MICU1: variants seen among roughly 807,000 people sequenced by gnomAD.
MICU1 encodes mitochondrial calcium uptake 1, also known as calcium uptake protein 1, mitochondrial.
A neutral mutation model predicts 56.8 loss-of-function variants in MICU1; 45 were observed. The ratio of observed to expected loss-of-function variants is 0.79; its 90% CI spans 0.62 to 1.02. MICU1 has a LOEUF of 1.02. MICU1 is among the 50% of genes least tolerant of loss of function. MICU1 has a pLI of 0.00. For synonymous variants in MICU1, 186 were observed against 195.1 expected (o/e 0.95, Z 0.39); for missense variants, 504 against 587.1 (o/e 0.86, Z 1.46).
intron 5 of MICU1, among the ~76,000 whole-genome samples, chr10:72,527,818 T>C (rs1185883189): frequency 6.6e-6 from 1 of 152,196 alleles, no homozygotes; most frequent in Non-Finnish European, 1.5e-5. Context: ...ATTTTTCATT[T>C]AGAAATTTCA....
chr10:72,556,731 G>A lies in MICU1; in HGVS notation c.331-5390C>T, dbSNP rs578152945. Reference sequence around the variant, plus strand: ...TTGCTGTATCTTATTGATGGTAAAAGCATATCTGTAAAAATTTCTTCTCCA... The same window carrying A: ...TTGCTGTATCTTATTGATGGTAAAAACATATCTGTAAAAATTTCTTCTCCA... On this transcript the variant is annotated intron_variant, in intron 3 of 11. Coordinates refer to ENST00000361114, the MANE Select transcript of MICU1 (RefSeq NM_001195518.2). Among the ~76,000 whole-genome samples the A allele has an allele frequency of 2.0e-5, 3 of 152,114 alleles. No homozygotes were observed. The South Asian group carries it at 6.2e-4, about 32-fold the overall frequency.
chr10:72,603,852 G>A (rs1177414865), intron 1 of MICU1, among the ~76,000 whole-genome samples: 4 of 152,280 alleles, frequency 2.6e-5, no homozygotes, highest in South Asian at 4.1e-4. Flanking sequence ...CCTGTAAGGT[G>A]TACACTGGTT....
chr10:72,394,064 G>C (rs1807021959), intron 10 of MICU1, among the ~76,000 whole-genome samples: 1 of 152,162 alleles, frequency 6.6e-6, no homozygotes, highest in Non-Finnish European at 1.5e-5. Context: ...AAAGAGCCCA[G>C]CTGATAGTGC....
chr10:72,509,248 A>G, intron 5 of MICU1: 3 of 530,006 alleles, frequency 5.7e-6, no homozygotes, highest in Non-Finnish European at 8.9e-6. Flanking sequence ...AAAAACCCAA[A>G]CCAATAAAGC....
At chr10:72,455,225 G>A (rs563828904) in intron 8 of MICU1, among the ~76,000 whole-genome samples, 3 of 151,678 alleles carry the variant, frequency 2.0e-5, no homozygotes, top group Admixed American at 1.3e-4. Context: ...GGTGGTGGGC[G>A]CCTGTAATCC....
chr10:72,446,936 C>T (rs1865124070), intron 8 of MICU1, among the ~76,000 whole-genome samples: 1 of 152,092 alleles, frequency 6.6e-6, no homozygotes, highest in African/African-American at 2.4e-5. Flanking sequence ...AACTTTCTGT[C>T]TTCTACAAAG....
chr10:72,553,526 C>T (rs1193131148), intron 3 of MICU1, among the ~76,000 whole-genome samples: 1 of 152,316 alleles, frequency 6.6e-6, no homozygotes, highest in African/African-American at 2.4e-5. Flanking sequence ...AGCCACTGCG[C>T]CCAGCCAGAA....
In MICU1 at chr10:72,502,146, GTTTTTTTTTTTGTTTT is replaced by G. The variant is rs376495305; in HGVS notation, c.652+5993_652+6008del. ...GTGAGTTCATTAACTTTGTTTTGCT[GTTTTTTTTTTTGTTTT>G]TTTTTTTTTTTTGAGTCAGTCTCGC... On this transcript the variant is annotated intron_variant, in intron 6 of 11. Transcript: ENST00000361114. Among the ~76,000 whole-genome samples the G allele has an allele frequency of 6.8e-3, 597 of 88,390 alleles. 4 individuals are homozygous for G. The highest frequency in any genetic ancestry group is 0.017 in the African/African-American group (554 of 32,648). The allele number at this position is 88,390 out of a possible 152,430, so 58.0% of individuals were successfully genotyped here.
intron 1 of MICU1, among the ~76,000 whole-genome samples, chr10:72,580,215 T>A (rs1341522839): frequency 6.6e-6 from 1 of 152,130 alleles, no homozygotes. Flanking sequence ...TTGTAAAAAG[T>A]GGGACATTGT....
chr10:72,489,156 G>A (rs1204698338), intron 6 of MICU1, among the ~76,000 whole-genome samples: 3 of 151,896 alleles, frequency 2.0e-5, no homozygotes, highest in African/African-American at 7.3e-5. Context: ...TGGGCATAGT[G>A]GCACATGCGG....
chr10:72,476,765 T>C (rs531332316), intron 7 of MICU1, among the ~76,000 whole-genome samples: 29 of 152,306 alleles, frequency 1.9e-4, no homozygotes, highest in African/African-American at 6.7e-4. Flanking sequence ...TCACCTACTA[T>C]AGTCAAAAAT....
At chr10:72,612,010 C>T (rs1841863460) in intron 1 of MICU1, among the ~76,000 whole-genome samples, 2 of 82,514 alleles carry the variant, frequency 2.4e-5, no homozygotes, top group African/African-American at 5.6e-5. Flanking sequence ...AACCAACCAA[C>T]CAAAAAAAAA....
intron 6 of MICU1, 100 bp from the exon 7 acceptor site, chr10:72,477,356 G>A: frequency 2.5e-6 from 3 of 1,178,340 alleles, no homozygotes; most frequent in Non-Finnish European, 3.6e-6. Flanking sequence ...TAATATCAAA[G>A]TCACCATAAA....
At chr10:72,457,580 A>AG (rs1279826569) in intron 8 of MICU1, among the ~76,000 whole-genome samples, 1 of 152,162 alleles carries the variant, frequency 6.6e-6, no homozygotes, top group African/African-American at 2.4e-5. Context: ...ACCAACACCA[A>AG]GCTGGGGTCA....
At chr10:72,585,233 C>A (rs1229032355) in intron 1 of MICU1, among the ~76,000 whole-genome samples, 1 of 151,830 alleles carries the variant, frequency 6.6e-6, no homozygotes, top group African/African-American at 2.4e-5. Flanking sequence ...ATTACAGGTG[C>A]CCACCACCAT....
chr10:72,591,375 T>C (rs1415466095), intron 1 of MICU1, among the ~76,000 whole-genome samples: 2 of 150,360 alleles, frequency 1.3e-5, no homozygotes, highest in East Asian at 3.9e-4. Flanking sequence ...ATAATAATAA[T>C]GATTAGAGCA....
chr10:72,615,714 G>A (rs561696349), intron 1 of MICU1, among the ~76,000 whole-genome samples: 30 of 152,112 alleles, frequency 2.0e-4, no homozygotes, highest in South Asian at 8.3e-4. Context: ...TTGGCCAGGC[G>A]CGGTGGCTCA....
chr10:72,541,010 C>T (rs1477224727), intron 4 of MICU1, among the ~76,000 whole-genome samples: 1 of 152,334 alleles, frequency 6.6e-6, no homozygotes, highest in African/African-American at 2.4e-5. Flanking sequence ...ATCTACAGAG[C>T]TCAGCTGAGA....
At chr10:72,486,145 A>C (rs907979803) in intron 6 of MICU1, among the ~76,000 whole-genome samples, 4 of 152,208 alleles carry the variant, frequency 2.6e-5, no homozygotes, top group Non-Finnish European at 5.9e-5. Flanking sequence ...ATAAAATGCA[A>C]GAAGATAATA....
Sources: allele counts gnomAD v4.1 joint callset (sites outside exome capture counted in the v4.1 genomes callset), GRCh38; gene constraint gnomAD v4.1.1; transcripts MANE v1.5; gene names NCBI Gene and HGNC (gene_info 2026-07-23, HGNC 2026-07-21).